Variants in HCN1 observed in about 807,000 individuals in gnomAD.
HCN1 encodes potassium/sodium hyperpolarization-activated cyclic nucleotide-gated channel 1.
A neutral mutation model predicts 78.9 loss-of-function variants in HCN1; 13 were observed. The ratio of observed to expected loss-of-function variants is 0.16; its 90% CI spans 0.11 to 0.26. HCN1 has a LOEUF of 0.26. Among genes scored for constraint, HCN1 ranks in the 10% least tolerant of loss-of-function variants. The probability of loss-of-function intolerance (pLI) is 1.00; values close to 1 mark genes in which losing one functional copy is unlikely to be tolerated. For missense variants in HCN1, 810 were observed against 1,154.3 expected, an observed-to-expected ratio of 0.70 and a Z score of 4.32; for synonymous variants, 552 against 455.5, an observed-to-expected ratio of 1.21 and a Z score of -2.70.
At chr5:45,303,287 C>A (rs897799544) in intron 6 of HCN1, among the ~76,000 whole-genome samples, 1 of 152,006 alleles carries the variant, frequency 6.6e-6, no homozygotes, top group Non-Finnish European at 1.5e-5. Context: ...ATGACAAAAA[C>A]GAAACAAAAC....
intron 2 of HCN1, among the ~76,000 whole-genome samples, chr5:45,544,730 T>G (rs1313841322): frequency 1.3e-5 from 2 of 151,968 alleles, no homozygotes; most frequent in Non-Finnish European, 2.9e-5. Context: ...GATAGTTTGC[T>G]CAGAATGATG....
chr5:45,579,270 C>T (rs979548712), intron 2 of HCN1, among the ~76,000 whole-genome samples: 1 of 151,988 alleles, frequency 6.6e-6, no homozygotes. Context: ...TAATAGCTGA[C>T]TCAGATCAGT....
chr5:45,505,442 C>T (rs1260769325), intron 2 of HCN1, among the ~76,000 whole-genome samples: 6 of 152,026 alleles, frequency 3.9e-5, no homozygotes, highest in African/African-American at 1.4e-4. Flanking sequence ...GAGGGCTCTG[C>T]TCCTTTCCAT....
intron 4 of HCN1, among the ~76,000 whole-genome samples, chr5:45,383,206 T>A (rs1579859355): frequency 6.6e-6 from 1 of 152,278 alleles, no homozygotes; most frequent in South Asian, 2.1e-4. Flanking sequence ...ACCAATTGAT[T>A]AAAGTACATT....
At position 45,262,661 on chromosome 5, in the gene HCN1, T is replaced by C; in HGVS notation, c.1933A>G (p.Thr645Ala). ...AIAPINYPQM[T>A]TLNSTSSTTT... ...GTAGACGATGTGGAATTCAGGGTTG[T>C]CATTTGAGGATAATTGATGGGAGCG... Residue 645 changes from threonine (T) to alanine (A), a missense_variant, in exon 8 of 8, where the codon ACA becomes GCA. Physicochemically the swap from Thr to Ala is moderately conservative, Grantham distance 58. Around this residue, in one of 6 missense-constraint regions of HCN1, gnomAD observed 398 missense variants for 381.3 expected, o/e 1.04. Transcript: ENST00000303230. The C allele has an allele frequency of 6.2e-7, 1 of 1,614,092 alleles. No individual in the cohort carries two copies. Among genetic ancestry groups the C allele is most frequent in the Non-Finnish European group, 8.5e-7 (1 of 1,180,008 alleles).
intron 2 of HCN1, among the ~76,000 whole-genome samples, chr5:45,501,828 C>T (rs541812245): frequency 1.3e-5 from 2 of 152,190 alleles, no homozygotes; most frequent in South Asian, 2.1e-4. Context: ...CATTTCCTAA[C>T]GATTTCATTA....
chr5:45,453,215 C>A (rs1227770947), intron 3 of HCN1, among the ~76,000 whole-genome samples: 1 of 152,000 alleles, frequency 6.6e-6, no homozygotes, highest in African/African-American at 2.4e-5. Flanking sequence ...ATATGAATTG[C>A]CTGACATCCG....
intron 5 of HCN1, among the ~76,000 whole-genome samples, chr5:45,314,286 A>G (rs1745925661): frequency 6.6e-6 from 1 of 152,188 alleles, no homozygotes; most frequent in African/African-American, 2.4e-5. Context: ...AAGGAGAAAT[A>G]AAATACTTTA....
At chr5:45,280,555 C>T (rs1268112832) in intron 6 of HCN1, among the ~76,000 whole-genome samples, 1 of 152,088 alleles carries the variant, frequency 6.6e-6, no homozygotes, top group Non-Finnish European at 1.5e-5. Context: ...CTACTGGAAG[C>T]CAATAGCAAA....
chr5:45,472,096 C>T (rs950813012), intron 2 of HCN1, among the ~76,000 whole-genome samples: 4 of 151,890 alleles, frequency 2.6e-5, no homozygotes, highest in African/African-American at 9.7e-5. Flanking sequence ...TTATTCTCAT[C>T]TCTCACCCTT....
At chr5:45,434,688 G>GCCACAT (rs1740528862) in intron 3 of HCN1, among the ~76,000 whole-genome samples, 2 of 152,152 alleles carry the variant, frequency 1.3e-5, no homozygotes, top group African/African-American at 4.8e-5. Context: ...GCACATAGAG[G>GCCACAT]ATTATATTGG....
At chr5:45,542,541 T>C (rs1743125959) in intron 2 of HCN1, among the ~76,000 whole-genome samples, 1 of 152,066 alleles carries the variant, frequency 6.6e-6, no homozygotes, top group African/African-American at 2.4e-5. Context: ...AACATTGCTG[T>C]GCTTTCTAAG....
intron 2 of HCN1, among the ~76,000 whole-genome samples, chr5:45,511,370 C>A (rs1561183346): frequency 2.0e-5 from 3 of 151,930 alleles, no homozygotes; most frequent in African/African-American, 7.2e-5. Context: ...GTGTACGCTG[C>A]ATGTAGTGAC....
intron 5 of HCN1, among the ~76,000 whole-genome samples, chr5:45,330,156 TA>T (rs1241320766): frequency 6.6e-6 from 1 of 151,372 alleles, no homozygotes; most frequent in Non-Finnish European, 1.5e-5. Flanking sequence ...GAATTACTAT[TA>T]AACTCCAGAC....
chr5:45,665,240 T>C (rs1480238495), intron 1 of HCN1, among the ~76,000 whole-genome samples: 54 of 145,350 alleles, frequency 3.7e-4, no homozygotes, highest in Admixed American at 1.5e-3. Context: ...TAGGTGGGAA[T>C]TGAACAATGA....
chr5:45,334,729 C>T (rs530923042), intron 5 of HCN1, among the ~76,000 whole-genome samples: 3 of 152,074 alleles, frequency 2.0e-5, no homozygotes, highest in East Asian at 1.9e-4. Context: ...AAGAGTGACA[C>T]ACAATATGCT....
At chr5:45,282,526 G>C (rs1010025586) in intron 6 of HCN1, among the ~76,000 whole-genome samples, 11 of 152,154 alleles carry the variant, frequency 7.2e-5, no homozygotes, top group African/African-American at 2.7e-4. Flanking sequence ...ACTTGAATTA[G>C]TATCTCATGA....
At chr5:45,346,890 G>C (rs1391911647) in intron 5 of HCN1, among the ~76,000 whole-genome samples, 1 of 152,218 alleles carries the variant, frequency 6.6e-6, no homozygotes, top group Non-Finnish European at 1.5e-5. Flanking sequence ...GCCCACCACA[G>C]CTCAAGGAGG....
At chr5:45,591,592 T>C (rs944527775) in intron 2 of HCN1, among the ~76,000 whole-genome samples, 43 of 152,322 alleles carry the variant, frequency 2.8e-4, no homozygotes, top group African/African-American at 9.4e-4. Context: ...TTTGTTAAGG[T>C]CTTTGGCCCA....
Sources: gnomAD v4.1 joint callset for allele counts (sites outside exome capture counted in the v4.1 genomes callset) on GRCh38, gnomAD v4.1.1 for gene constraint, gnomAD v4.1.1 regional missense constraint, MANE v1.5 for transcripts, NCBI Gene and HGNC (gene_info 2026-07-23, HGNC 2026-07-21) for gene names.